The following PDE4D variants were observed in gnomAD, a reference collection of about 807,000 sequenced individuals.
The protein encoded by PDE4D is phosphodiesterase 4D, also known as 3',5'-cyclic-AMP phosphodiesterase 4D.
In PDE4D, 24 loss-of-function variants were observed where a neutral mutation model predicts 87.4. The ratio of observed to expected loss-of-function variants is 0.27; its 90% CI spans 0.20 to 0.39. The LOEUF is 0.39. Among genes scored for constraint, PDE4D ranks in the 10% least tolerant of loss-of-function variants. The pLI, the probability that PDE4D is intolerant of heterozygous loss-of-function variation, is 1.00. For missense variants in PDE4D, 714 were observed against 1,041.0 expected, an observed-to-expected ratio of 0.69 and a Z score of 4.32; for synonymous variants, 384 against 383.2, an observed-to-expected ratio of 1.00 and a Z score of -0.02.
intron 1 of PDE4D, among the ~76,000 whole-genome samples, chr5:59,810,467 G>A (rs1200760034): frequency 1.3e-5 from 2 of 152,174 alleles, no homozygotes; most frequent in Non-Finnish European, 2.9e-5. Flanking sequence ...TTTAAATGAT[G>A]ACTCGTTTCT....
At chr5:59,245,533 A>G (rs1219384560) in intron 1 of PDE4D, among the ~76,000 whole-genome samples, 1 of 152,156 alleles carries the variant, frequency 6.6e-6, no homozygotes, top group African/African-American at 2.4e-5. Flanking sequence ...CTAGGAGAAA[A>G]ATAAATTTGG....
chr5:59,634,419 T>C (rs1017957047), intron 1 of PDE4D, among the ~76,000 whole-genome samples: 17 of 152,128 alleles, frequency 1.1e-4, no homozygotes, highest in African/African-American at 3.9e-4. Flanking sequence ...CCACCACAAA[T>C]CAACAGAATA....
rs868357528 is a variant in PDE4D at position 60,353,676 on chromosome 5, G to A, written c.-90+134266C>T. On this transcript the variant is annotated intron_variant, in intron 1 of 16. Coordinates refer to the PDE4D transcript ENST00000502484. Reference sequence around the variant, plus strand: ...GATGGTTCCAGCTTTCACAGGGCCAGGGGTACACTAGTAAGAAATTGGAAT... The same window carrying A: ...GATGGTTCCAGCTTTCACAGGGCCAAGGGTACACTAGTAAGAAATTGGAAT... 5.3e-5 allele frequency among the ~76,000 whole-genome samples: 8 copies of A among 152,334 alleles called. 1 individual carries two copies. In the South Asian group the frequency reaches 6.2e-4, roughly 12 times the overall value.
rs6883563 is a variant in PDE4D at position 59,324,156 on chromosome 5, T to C, written c.456-108188A>G. Among the ~76,000 whole-genome samples, 262 of 152,280 alleles carry C rather than the reference T, an allele frequency of 1.7e-3. 1 individual carries two copies. The highest frequency in any genetic ancestry group is 5.8e-3 in the African/African-American group (243 of 41,582). On this transcript the variant is annotated intron_variant, in intron 1 of 14. Transcript: ENST00000340635. ...AAAAGCCCACTCTGGCATTCCTCTC[T>C]CCCTCTTGCTCAAGCAAGCATGGCC...
chr5:60,321,574 C>A (rs1756273943), intron 1 of PDE4D, among the ~76,000 whole-genome samples: 1 of 152,120 alleles, frequency 6.6e-6, no homozygotes, highest in African/African-American at 2.4e-5. Flanking sequence ...TGAGCTTTTG[C>A]ACAGCAAAAG....
At chr5:59,738,250 T>C (rs891821576) in intron 1 of PDE4D, among the ~76,000 whole-genome samples, 1 of 152,154 alleles carries the variant, frequency 6.6e-6, no homozygotes, top group African/African-American at 2.4e-5. Context: ...TAAGCTGACA[T>C]ATTTGTACCA....
intron 1 of PDE4D, among the ~76,000 whole-genome samples, chr5:59,333,832 C>A (rs922429127): frequency 2.6e-5 from 4 of 151,986 alleles, no homozygotes; most frequent in Non-Finnish European, 5.9e-5. Flanking sequence ...CTTTAATTTT[C>A]ATATCCTAAT....
At chr5:59,965,623 C>A (rs932557554) in intron 3 of PDE4D, among the ~76,000 whole-genome samples, 2 of 152,156 alleles carry the variant, frequency 1.3e-5, no homozygotes, top group African/African-American at 4.8e-5. Flanking sequence ...GCATTATAAC[C>A]ACTTCACCTC....
At chr5:60,321,086 A>C (rs1246597121) in intron 1 of PDE4D, among the ~76,000 whole-genome samples, 1 of 152,350 alleles carries the variant, frequency 6.6e-6, no homozygotes, top group Non-Finnish European at 1.5e-5. Flanking sequence ...AAGAGCCTGA[A>C]TAGCTAAGGT....
At chr5:60,447,776 C>T (rs866650155) in intron 1 of PDE4D, among the ~76,000 whole-genome samples, 2 of 152,260 alleles carry the variant, frequency 1.3e-5, no homozygotes, top group South Asian at 4.1e-4. Flanking sequence ...TTGACAAGGA[C>T]ACCAAGCTAC....
chr5:60,358,818 GAAATC>G (rs1393315357), intron 1 of PDE4D, among the ~76,000 whole-genome samples: 1 of 152,162 alleles, frequency 6.6e-6, no homozygotes, highest in Non-Finnish European at 1.5e-5. Flanking sequence ...AGACATAAAT[GAAATC>G]AAATCACTAG....
chr5:59,376,212 C>T (rs939934909), intron 1 of PDE4D, among the ~76,000 whole-genome samples: 4 of 152,068 alleles, frequency 2.6e-5, no homozygotes, highest in Non-Finnish European at 5.9e-5. Context: ...AGAAATAAAG[C>T]ACATTCAAAC....
At chr5:59,192,793 C>G (rs1744633647) in intron 3 of PDE4D, among the ~76,000 whole-genome samples, 1 of 152,134 alleles carries the variant, frequency 6.6e-6, no homozygotes, top group Admixed American at 6.6e-5. Context: ...AATACTAAGG[C>G]CTTTAACAAA....
chr5:59,749,039 T>G (rs1304726697), intron 1 of PDE4D, among the ~76,000 whole-genome samples: 1 of 152,198 alleles, frequency 6.6e-6, no homozygotes, highest in Non-Finnish European at 1.5e-5. Context: ...GCTCCCTGAT[T>G]TCTCAGAAAC....
At chr5:60,477,152 G>A (rs1443113571) in intron 1 of PDE4D, among the ~76,000 whole-genome samples, 1 of 152,102 alleles carries the variant, frequency 6.6e-6, no homozygotes, top group African/African-American at 2.4e-5. Context: ...CAAACAGCAA[G>A]AACATATGAA....
intron 1 of PDE4D, among the ~76,000 whole-genome samples, chr5:59,677,952 A>G (rs998078267): frequency 6.6e-6 from 1 of 152,236 alleles, no homozygotes; most frequent in African/African-American, 2.4e-5. Context: ...GGGACCAAAA[A>G]TCTCATTTCT....
At chr5:59,813,410 C>G (rs1024542009) in intron 1 of PDE4D, among the ~76,000 whole-genome samples, 11 of 151,334 alleles carry the variant, frequency 7.3e-5, no homozygotes, top group African/African-American at 2.7e-4. Context: ...CACCTAATTT[C>G]TTTTTGCTGT....
rs189128641 is a variant in PDE4D, at chr5:59,941,446, C to T, written c.272+47042G>A. On this transcript the variant is annotated intron_variant, in intron 3 of 16. Coordinates refer to the PDE4D transcript ENST00000502484. ...GTGTTATTTCTCTGGTTCTCTCCTG[C>T]AAACTAGTCTGCAATTTAGCCTGTA... Among the ~76,000 whole-genome samples the T allele has an allele frequency of 2.3e-3, 343 of 152,322 alleles. 1 individual carries two copies. Among genetic ancestry groups the T allele is most frequent in the African/African-American group, 7.7e-3 (321 of 41,568 alleles).
chr5:59,576,873 C>T (rs1215705483), intron 1 of PDE4D, among the ~76,000 whole-genome samples: 1 of 152,094 alleles, frequency 6.6e-6, no homozygotes, highest in Non-Finnish European at 1.5e-5. Context: ...ATTAACACAC[C>T]CAAAGGTTTA....
Sources: gnomAD v4.1 joint callset for allele counts (sites outside exome capture counted in the v4.1 genomes callset) on GRCh38, gnomAD v4.1.1 for gene constraint, MANE v1.5 for transcripts, NCBI Gene and HGNC (gene_info 2026-07-23, HGNC 2026-07-21) for gene names.